TSC2: variants seen among roughly 807,000 people sequenced by gnomAD.
TSC2 encodes the protein TSC complex subunit 2.
TSC2 carries 29 observed loss-of-function variants against 202.2 expected under a neutral mutation model. That is an observed-to-expected ratio of 0.14 (90% CI 0.11 to 0.20). TSC2 has a LOEUF of 0.20. Ranked by LOEUF, TSC2 falls within the 10% of genes least tolerant of loss-of-function variation. The pLI, the probability that TSC2 is intolerant of heterozygous loss-of-function variation, is 1.00. For missense variants in TSC2, 2,429 were observed against 2,420.0 expected, an observed-to-expected ratio of 1.00 and a Z score of -0.08; for synonymous variants, 1,349 against 1,044.0, an observed-to-expected ratio of 1.29 and a Z score of -5.63.
chr16:2,061,764 G>T, intron 11 of TSC2, 107 bp from the exon 12 acceptor site: 2 of 1,588,164 alleles, frequency 1.3e-6, no homozygotes. Flanking sequence ...AGAGCGGCCT[G>T]AGAGGGCTGA....
At chr16:2,064,485 A>G (rs769367535) in intron 15 of TSC2, 58 bp downstream of exon 15, 59 of 1,609,172 alleles carry the variant, frequency 3.7e-5, no homozygotes, top group Non-Finnish European at 4.6e-5. Context: ...GTGGGCAGCA[A>G]TGGCCTCTGG....
chr16:2,077,115 C>T (rs900546937), intron 25 of TSC2, among the ~76,000 whole-genome samples: 1 of 152,254 alleles, frequency 6.6e-6, no homozygotes, highest in Non-Finnish European at 1.5e-5. Flanking sequence ...GTCTCCAGCC[C>T]CTGGGGGCCG....
At chr16:2,082,909 C>T (rs973901660) in intron 32 of TSC2, 16 of 382,636 alleles carry the variant, frequency 4.2e-5, no homozygotes, top group Non-Finnish European at 7.1e-5. Flanking sequence ...CTGGAACCCA[C>T]AGATGGGGCT....
chr16:2,082,584 C>G (rs930220797), intron 32 of TSC2, 80 bp downstream of exon 32: 6 of 1,503,378 alleles, frequency 4.0e-6, no homozygotes, highest in East Asian at 2.3e-5. Context: ...CCTCATCCGC[C>G]CACCCCCATG....
chr16:2,050,598 CTTTTTTTTTT>C (rs554452830), intron 3 of TSC2, 112 bp downstream of exon 3: 2 of 477,016 alleles, frequency 4.2e-6, no homozygotes, highest in Non-Finnish European at 3.6e-6. Context: ...CTGGTTTGCA[CTTTTTTTTTT>C]TTTTTTTTTT....
chr16:2,077,773 CG>C (rs748673115), intron 26 of TSC2, 47 bp downstream of exon 26: 34 of 1,606,612 alleles, frequency 2.1e-5, no homozygotes, highest in Non-Finnish European at 2.8e-5. Context: ...AGCTTGGCCC[CG>C]TGAGCACCTG....
chr16:2,080,688 G>T (rs540060299), intron 30 of TSC2: 2 of 370,052 alleles, frequency 5.4e-6, no homozygotes, highest in South Asian at 5.0e-5. Context: ...GTTTCACTGT[G>T]TTAGCCAGGA....
In TSC2 at chr16:2,088,457, A is replaced by C. The variant is rs1060500967; in HGVS notation, c.5271A>C (p.Glu1757Asp). 6.2e-7 allele frequency: 1 copy of C among 1,612,838 alleles called. No homozygotes were observed. The highest frequency in any genetic ancestry group is 8.5e-7 in the Non-Finnish European group (1 of 1,180,010). Residue 1757 changes from glutamate (E) to aspartate (D), a missense_variant, in exon 42 of 42, where the codon GAA (glutamate) becomes GAC (aspartate). By Grantham distance (45) the Glu-to-Asp change is conservative (BLOSUM62 2). Coordinates refer to ENST00000219476, the MANE Select transcript of TSC2 (RefSeq NM_000548.5). ...IKRLRQRICEEAAYSNPSLPL... is the reference protein window; with the variant it reads ...IKRLRQRICEDAAYSNPSLPL... The stretch of plus-strand genomic sequence containing the variant: ...GCCTCTGCCTTCAGATCTGCGAGGA[A>C]GCCGCCTACTCCAACCCCAGCCTAC...
At chr16:2,060,857 C>T in intron 11 of TSC2, 44 bp downstream of exon 11, 1 of 1,607,872 alleles carries the variant, frequency 6.2e-7, no homozygotes, top group South Asian at 1.1e-5. Flanking sequence ...GGAACCCAGA[C>T]AGGCAGGCTC....
chr16:2,081,294 T>TG (rs2090115738), intron 30 of TSC2: 1 of 458,826 alleles, frequency 2.2e-6, no homozygotes, highest in Admixed American at 3.4e-5. Context: ...GTGCCGTGGC[T>TG]GAGGGGTGCA....
chr16:2,081,730 T>C lies in TSC2; in HGVS notation c.3746T>C (p.Leu1249Pro). The change falls in exon 31 of 42, where the codon CTG (leucine) becomes CCG (proline). Residue 1249 changes from leucine to proline, a missense_variant. Leu to Pro is a moderately conservative substitution (Grantham distance 98). Coordinates refer to ENST00000219476, the MANE Select transcript of TSC2 (RefSeq NM_000548.5). The stretch of plus-strand genomic sequence containing the variant: ...TTCAAGGAGCACCGGGACACAGCCC[T>C]GTACAAGTCACTGTCGGTGCCGGCA... Reference protein sequence around the residue: ...ERFKEHRDTALYKSLSVPAAS... With the variant: ...ERFKEHRDTAPYKSLSVPAAS... 1 of 1,612,966 alleles carries C rather than the reference T, an allele frequency of 6.2e-7. No homozygotes were observed. Among genetic ancestry groups the C allele is most frequent in the African/African-American group, 1.3e-5 (1 of 75,056 alleles).
chr16:2,070,968 G>A (rs1002872716), intron 17 of TSC2, among the ~76,000 whole-genome samples: 2 of 151,314 alleles, frequency 1.3e-5, no homozygotes, highest in Non-Finnish European at 2.9e-5. Context: ...GGGCAGGGCT[G>A]GAGAGGGCAG....
intron 19 of TSC2, 153 bp from the exon 20 acceptor site, chr16:2,072,088 A>G (rs1281149113): frequency 3.1e-5 from 47 of 1,503,768 alleles, no homozygotes; most frequent in Non-Finnish European, 4.1e-5. Context: ...AGCTGCAGGG[A>G]CAGAGGCCTG....
chr16:2,081,836 C>G, intron 31 of TSC2, 38 bp downstream of exon 31: 1 of 1,606,028 alleles, frequency 6.2e-7, no homozygotes, highest in Non-Finnish European at 8.5e-7. Context: ...GGCTCTGCTC[C>G]CACTGGCCTG....
At chr16:2,049,373 A>ACCGCGGC in intron 2 of TSC2, among the ~76,000 whole-genome samples, 1 of 151,914 alleles carries the variant, frequency 6.6e-6, no homozygotes, top group Non-Finnish European at 1.5e-5. Flanking sequence ...GGCATGAGCC[A>ACCGCGGC]TCGCACATGG....
chr16:2,056,410 C>T (rs1272711897), intron 7 of TSC2, among the ~76,000 whole-genome samples, 166 bp downstream of exon 7: 1 of 152,224 alleles, frequency 6.6e-6, no homozygotes, highest in Non-Finnish European at 1.5e-5. Context: ...GATAGCCGGG[C>T]GCCTCCATGT....
rs45443091 is a variant in TSC2, at chr16:2,062,586, G to A, written c.1347G>A (p.Met449Ile). 1.9e-6 allele frequency: 3 copies of A among 1,609,286 alleles called. No individual in the cohort carries two copies. In the South Asian group the frequency reaches 3.3e-5, roughly 18 times the overall value. Residue 449 changes from methionine (M) to isoleucine (I), a missense_variant, in exon 13 of 42, where the codon ATG becomes ATA. Transcript: ENST00000219476. ...GGATTCAGAACCTGCAGGCGCTGAT[G>A]GAGAGATTCTTCAGGTAGGGGGTCC... ...DGWIQNLQAL[M>I]ERFFRSESRG... is the part of the protein sequence containing the mutation.
chr16:2,074,587 C>T (rs566008453), intron 22 of TSC2, 198 bp downstream of exon 22: 5 of 662,166 alleles, frequency 7.6e-6, no homozygotes, highest in Middle Eastern at 4.1e-4. Flanking sequence ...CCTCTCACCC[C>T]TCTAGTGTCC....
At chr16:2,056,329 C>A in intron 7 of TSC2, 85 bp downstream of exon 7, 1 of 1,569,762 alleles carries the variant, frequency 6.4e-7, no homozygotes, top group African/African-American at 1.3e-5. Flanking sequence ...CTGTGTGCCA[C>A]CTGCTGGCTG....
Sources: allele counts gnomAD v4.1 joint callset (sites outside exome capture counted in the v4.1 genomes callset), GRCh38; gene constraint gnomAD v4.1.1; transcripts MANE v1.5; gene names NCBI Gene and HGNC (gene_info 2026-07-23, HGNC 2026-07-21).